The following NWD1 variants were observed in gnomAD, a reference collection of about 807,000 sequenced individuals.
NWD1 encodes the protein NACHT and WD repeat domain containing 1.
In NWD1, 129 loss-of-function variants were observed where a neutral mutation model predicts 135.1. The ratio of observed to expected loss-of-function variants is 0.96; its 90% CI spans 0.83 to 1.11. The LOEUF (loss-of-function observed/expected upper bound fraction) is 1.11. NWD1 is among the 50% of genes least tolerant of loss of function. NWD1 has a pLI of 0.00. For missense variants in NWD1, 1,740 were observed against 1,851.3 expected (o/e 0.94, Z 1.10); for synonymous variants, 773 against 786.0 (o/e 0.98, Z 0.28).
intron 4 of NWD1, among the ~76,000 whole-genome samples, chr19:16,743,255 G>C (rs1436946730): frequency 6.6e-6 from 1 of 151,276 alleles, no homozygotes; most frequent in Admixed American, 6.6e-5. Context: ...CTGTCCCCCA[G>C]GCTGGAGTGC....
At chr19:16,773,433 GGCCCCAAGCTTGCCATCAGAGCCT>G (rs1476535259) in intron 11 of NWD1, 110 bp downstream of exon 11, 5 of 904,020 alleles carry the variant, frequency 5.5e-6, no homozygotes, top group Non-Finnish European at 6.7e-6. Context: ...CTAGTTGGGA[GGCCCCAAGCTTGCCATCAGAGCCT>G]GCCCCTGCTG....
In NWD1 at chr19:16,771,054, C is replaced by A. The variant is rs76151884; in HGVS notation, c.2411-2072C>A. On this transcript the variant is annotated intron_variant, in intron 10 of 18. Coordinates refer to ENST00000524140, the MANE Select transcript of NWD1 (RefSeq NM_001007525.5). ...GGGGTTCACGCTTCTAATCCCAGCA[C>A]TTTGGGAGGCCCAGACAGAAGGATT... Among the ~76,000 whole-genome samples the A allele has an allele frequency of 8.9e-3, 1,359 of 152,232 alleles. 26 individuals are homozygous for A. The highest frequency in any genetic ancestry group is 0.031 in the African/African-American group (1,306 of 41,514).
intron 2 of NWD1, among the ~76,000 whole-genome samples, chr19:16,730,367 T>A (rs1178435815): frequency 6.6e-6 from 1 of 151,780 alleles, no homozygotes; most frequent in Non-Finnish European, 1.5e-5. Flanking sequence ...AAAATCTATT[T>A]ATGTATTTAT....
chr19:16,762,295 T>G, intron 8 of NWD1, among the ~76,000 whole-genome samples, 157 bp downstream of exon 8: 1 of 123,434 alleles, frequency 8.1e-6, no homozygotes. Flanking sequence ...TCCCCCCCAC[T>G]CCTTTTTTTT....
chr19:16,745,293 C>T (rs1035614185), intron 5 of NWD1: 7 of 320,718 alleles, frequency 2.2e-5, no homozygotes, highest in Middle Eastern at 1.1e-3. Flanking sequence ...TCCCACAGCA[C>T]GTGTGAATTA....
chr19:16,748,947 C>G (rs1448108657), intron 5 of NWD1, among the ~76,000 whole-genome samples, 192 bp from the exon 6 acceptor site: 1 of 152,212 alleles, frequency 6.6e-6, no homozygotes, highest in East Asian at 1.9e-4. Flanking sequence ...CCACTCAGAT[C>G]TGCTGAATCA....
rs1186757679 is a variant in NWD1, at chr19:16,800,162, G to A, written c.3736G>A (p.Gly1246Ser). Residue 1246 changes from glycine (G) to serine (S), a missense_variant and splice_region_variant, in exon 17 of 19, where the codon GGC (glycine) becomes AGC (serine). Coordinates refer to ENST00000524140, the MANE Select transcript of NWD1 (RefSeq NM_001007525.5). ...AGTCACTATTTGGGACTTGGCAGAA[G>A]GTTGGTAAGGTATAAGTATGGTCAT... ...NKVTIWDLAE[G>S]EEQDSLDTSS... The A allele has an allele frequency of 6.2e-7, 1 of 1,607,794 alleles. No homozygotes were observed. Among genetic ancestry groups the A allele is most frequent in the Non-Finnish European group, 8.5e-7 (1 of 1,176,614 alleles).
At chr19:16,772,808 C>T (rs926273794) in intron 10 of NWD1, among the ~76,000 whole-genome samples, 3 of 151,690 alleles carry the variant, frequency 2.0e-5, no homozygotes, top group East Asian at 1.9e-4. Flanking sequence ...GCACTCCAGC[C>T]GGGACAACAG....
intron 15 of NWD1, among the ~76,000 whole-genome samples, chr19:16,797,075 G>GC (rs1970439346): frequency 6.6e-6 from 1 of 151,702 alleles, no homozygotes; most frequent in African/African-American, 2.4e-5. Context: ...AGCTACTCAG[G>GC]AAGCTGAGGC....
At chr19:16,808,975 T>G (rs565539680) in intron 18 of NWD1, among the ~76,000 whole-genome samples, 10 of 152,226 alleles carry the variant, frequency 6.6e-5, no homozygotes, top group Non-Finnish European at 1.2e-4. Flanking sequence ...ATCCAGCTAC[T>G]TGGAGGGCTG....
intron 17 of NWD1, among the ~76,000 whole-genome samples, chr19:16,805,183 C>T (rs923004071): frequency 1.3e-4 from 19 of 151,886 alleles, no homozygotes; most frequent in African/African-American, 3.1e-4. Flanking sequence ...CTCAGCCTCC[C>T]GAGTAGCTGA....
chr19:16,750,816 T>G (rs1387503413), intron 6 of NWD1, among the ~76,000 whole-genome samples: 1 of 152,044 alleles, frequency 6.6e-6, no homozygotes, highest in African/African-American at 2.4e-5. Context: ...AAATACAGTT[T>G]TTGTTTGTCA....
At chr19:16,740,586 CCTCGGCCTCCAAAAGTG>C (rs1968037528) in intron 4 of NWD1, among the ~76,000 whole-genome samples, 1 of 151,608 alleles carries the variant, frequency 6.6e-6, no homozygotes, top group Non-Finnish European at 1.5e-5. Flanking sequence ...GATCCACCCA[CCTCGGCCTCCAAAAGTG>C]CTGGGATTAC....
Position 16,799,906 on chromosome 19 carries a change from G to C in NWD1, c.3480G>C (p.Gln1160His), listed in dbSNP as rs112894669. The C allele has an allele frequency of 1.1e-5, 18 of 1,611,018 alleles. No homozygotes were observed. Among genetic ancestry groups the C allele is most frequent in the African/African-American group, 1.1e-4 (8 of 74,960 alleles). ...ALIQVWSLSEQGTLLDILEGV... is the reference protein window; with the variant it reads ...ALIQVWSLSEHGTLLDILEGV... ...CTCAGGTGTGGAGTCTGTCAGAACA[G>C]GGGACCCTTCTGGACATCCTGGAAG... Residue 1160 changes from glutamine (Q) to histidine (H), a missense_variant, in exon 17 of 19, where the codon CAG (glutamine) becomes CAC (histidine). Physicochemically the swap from Gln to His is conservative, Grantham distance 24. Coordinates refer to ENST00000524140, the MANE Select transcript of NWD1 (RefSeq NM_001007525.5).
At chr19:16,736,220 C>CCTTCCTTCCTTT (rs1568337825) in intron 3 of NWD1, among the ~76,000 whole-genome samples, 2 of 149,938 alleles carry the variant, frequency 1.3e-5, no homozygotes, top group South Asian at 4.2e-4. Flanking sequence ...TTCCTTCCTT[C>CCTTCCTTCCTTT]CTTCCTACCT....
chr19:16,791,581 G>A lies in NWD1; in HGVS notation c.3172G>A (p.Gly1058Arg). ...CTGTGCCGTCTCAGTCCAGAAGCAA[G>A]GAAAGCTTGTTACCGGGTTTAGCAA... Reference protein sequence around the residue: ...PTCAVSVQKQGKLVTGFSNGS... With the variant: ...PTCAVSVQKQRKLVTGFSNGS... Residue 1058 changes from glycine (G) to arginine (R), a missense_variant, in exon 14 of 19, where the codon GGA becomes AGA. By Grantham distance (125) the Gly-to-Arg change is moderately radical. Transcript: ENST00000524140. 3 of 1,614,182 alleles carry A rather than the reference G, an allele frequency of 1.9e-6. No individual in the cohort carries two copies. The South Asian group carries it at 3.3e-5, about 18-fold the overall frequency.
Position 16,749,955 on chromosome 19 carries a change from C to T in NWD1, c.1313C>T (p.Ala438Val). The change falls in exon 6 of 19, where the codon GCT (alanine) becomes GTT (valine). Residue 438 changes from alanine to valine, a missense_variant. Physicochemically the swap from Ala to Val is moderately conservative, Grantham distance 64. Transcript: ENST00000524140. Reference protein sequence around the residue: ...NFESLVLLLDAMDDLDSVRHA... With the variant: ...NFESLVLLLDVMDDLDSVRHA... ...GAGTCTCTCGTGCTCCTGCTGGATGCTATGGATGACCTGGACTCTGTCCGC... is the reference window on the plus strand; with the variant it reads ...GAGTCTCTCGTGCTCCTGCTGGATGTTATGGATGACCTGGACTCTGTCCGC... The T allele has an allele frequency of 5.0e-6, 8 of 1,613,812 alleles. No individual in the cohort carries two copies. Among genetic ancestry groups the T allele is most frequent in the Non-Finnish European group, 6.8e-6 (8 of 1,180,026 alleles).
At chr19:16,738,770 T>C (rs1417139175) in intron 4 of NWD1, among the ~76,000 whole-genome samples, 2 of 60,220 alleles carry the variant, frequency 3.3e-5, no homozygotes, top group Non-Finnish European at 8.1e-5. Flanking sequence ...AATATAATGA[T>C]ATATAATATA....
rs139108504 is a variant in NWD1, at chr19:16,749,988, G to T, written c.1346G>T (p.Arg449Leu). ...GACCTGGACTCTGTCCGCCATGCTC[G>T]GAGGGTTCCCTGGCTGCCTCTCAAC... ...MDDLDSVRHA[R>L]RVPWLPLNCP... Residue 449 changes from arginine to leucine, a missense_variant, in exon 6 of 19, where the codon CGG (arginine) becomes CTG (leucine). Coordinates refer to ENST00000524140, the MANE Select transcript of NWD1 (RefSeq NM_001007525.5). 1.5e-5 allele frequency: 25 copies of T among 1,613,764 alleles called. No individual in the cohort carries two copies. The highest frequency in any genetic ancestry group is 2.1e-5 in the Non-Finnish European group (25 of 1,180,016).
Sources: gnomAD v4.1 joint callset for allele counts (sites outside exome capture counted in the v4.1 genomes callset) on GRCh38, gnomAD v4.1.1 for gene constraint, MANE v1.5 for transcripts, NCBI Gene and HGNC (gene_info 2026-07-23, HGNC 2026-07-21) for gene names.